Variants in RIN2 observed in about 807,000 individuals in gnomAD.
The protein encoded by RIN2 is RAB5 interacting protein 2.
RIN2 carries 36 observed loss-of-function variants against 78.0 expected under a neutral mutation model. The observed-to-expected ratio is 0.46, with a 90% CI of 0.35 to 0.61. The LOEUF (loss-of-function observed/expected upper bound fraction) is 0.61. Among genes scored for constraint, RIN2 ranks in the 20% least tolerant of loss-of-function variants. RIN2 has a pLI of 0.00. For synonymous variants in RIN2, 466 were observed against 466.8 expected, an observed-to-expected ratio of 1.00 and a Z score of 0.02; for missense variants, 1,087 against 1,159.7, an observed-to-expected ratio of 0.94 and a Z score of 0.91.
Position 19,975,728 on chromosome 20 carries a change from T to C in RIN2, c.1703T>C (p.Leu568Ser). ...TTCATGACCCAGGTCAAGAACTATTTGTCTCAGAGCTCGGAGCTGGACCCC... is the reference window on the plus strand; with the variant it reads ...TTCATGACCCAGGTCAAGAACTATTCGTCTCAGAGCTCGGAGCTGGACCCC... ...RQFMTQVKNY[L>S]SQSSELDPPI... The change falls in exon 9 of 13, where the codon TTG becomes TCG. Residue 568 changes from leucine to serine, a missense_variant. Transcript: ENST00000255006. The surrounding 1 kb of genome is among the most constrained non-coding windows in gnomAD (Gnocchi z 4.9). The C allele has an allele frequency of 6.2e-7, 1 of 1,613,442 alleles. No individual in the cohort carries two copies. Among genetic ancestry groups the C allele is most frequent in the Non-Finnish European group, 8.5e-7 (1 of 1,179,818 alleles).
intron 6 of RIN2, among the ~76,000 whole-genome samples, chr20:19,963,240 C>T (rs1369291946): frequency 1.2e-4 from 18 of 152,028 alleles, no homozygotes; most frequent in Non-Finnish European, 1.6e-4. Context: ...TTCTGTGTGT[C>T]TGTGTGTGTC....
At chr20:19,766,158 G>C (rs897009891) in intron 1 of RIN2, among the ~76,000 whole-genome samples, 2 of 152,124 alleles carry the variant, frequency 1.3e-5, no homozygotes, top group African/African-American at 2.4e-5. Flanking sequence ...CATCCTCTCT[G>C]TATTCCGGGA....
chr20:19,969,767 A>C (rs73128137), intron 7 of RIN2, among the ~76,000 whole-genome samples: 154 of 151,596 alleles, frequency 1.0e-3, no homozygotes, highest in Non-Finnish European at 1.7e-3. Context: ...CCACTGGAAA[A>C]AAACAAACAA....
chr20:19,903,274 C>T (rs1002494027), intron 3 of RIN2, among the ~76,000 whole-genome samples: 5 of 151,970 alleles, frequency 3.3e-5, no homozygotes, highest in African/African-American at 4.8e-5. Flanking sequence ...GAGGGATCAT[C>T]GGTGGAGGAG....
chr20:19,795,542 C>T (rs930198148), intron 1 of RIN2, among the ~76,000 whole-genome samples: 5 of 151,954 alleles, frequency 3.3e-5, no homozygotes, highest in South Asian at 2.1e-4. Context: ...CTATTTTGCC[C>T]GTGAGATAAG....
chr20:19,972,596 T>G (rs926144658), intron 8 of RIN2, among the ~76,000 whole-genome samples: 5 of 152,256 alleles, frequency 3.3e-5, no homozygotes, highest in Non-Finnish European at 7.3e-5. Context: ...CTCGAGGGTC[T>G]GCTTTGTGGC....
At chr20:19,955,911 C>T (rs1452567302) in intron 4 of RIN2, among the ~76,000 whole-genome samples, 1 of 152,122 alleles carries the variant, frequency 6.6e-6, no homozygotes. Flanking sequence ...TAGGAACTCA[C>T]GGTTACCATC....
intron 1 of RIN2, among the ~76,000 whole-genome samples, chr20:19,783,459 T>C (rs1164628424): frequency 7.1e-6 from 1 of 141,156 alleles, no homozygotes; most frequent in Non-Finnish European, 1.5e-5. Flanking sequence ...TCCTGCCCTG[T>C]TTGGATGGGG....
chr20:19,823,316 A>G lies in RIN2; in HGVS notation c.-37+23569A>G, dbSNP rs983513262. On this transcript the variant is annotated intron_variant, in intron 2 of 12. Coordinates refer to ENST00000255006, the MANE Select transcript of RIN2 (RefSeq NM_018993.4). ...AATCTGGGGACTGAATGAAGTTCTC[A>G]TCTTACTCTTTCGTGGCTGTTTGTC... is the stretch of plus-strand genomic sequence containing the variant. 5.0e-6 allele frequency: 3 copies of G among 594,654 alleles called. No individual in the cohort carries two copies. The African/African-American group carries it at 5.6e-5, about 11-fold the overall frequency. The allele number at this position is 594,654 out of a possible 1,614,324, so 36.8% of individuals were successfully genotyped here.
intron 2 of RIN2, among the ~76,000 whole-genome samples, chr20:19,882,486 T>G (rs150879602): frequency 2.0e-5 from 3 of 152,158 alleles, no homozygotes; most frequent in Admixed American, 1.3e-4. Flanking sequence ...ATCACCTACA[T>G]AGACTCTTTT....
chr20:19,983,052 C>T (rs947079111), intron 9 of RIN2, among the ~76,000 whole-genome samples: 11 of 152,208 alleles, frequency 7.2e-5, no homozygotes, highest in African/African-American at 2.4e-4. Flanking sequence ...AAATCCTTGT[C>T]TCAGGATTGG....
At chr20:19,941,837 G>A (rs79774619) in intron 4 of RIN2, among the ~76,000 whole-genome samples, 2 of 152,008 alleles carry the variant, frequency 1.3e-5, no homozygotes, top group African/African-American at 2.4e-5. Context: ...TATTTAAGCC[G>A]GGCAGGGTGA....
At chr20:19,794,727 G>T (rs1466088476) in intron 1 of RIN2, among the ~76,000 whole-genome samples, 2 of 151,900 alleles carry the variant, frequency 1.3e-5, no homozygotes, top group African/African-American at 4.8e-5. Flanking sequence ...TTATTACCTT[G>T]TAGGTTTTAA....
chr20:19,766,922 A>G (rs1248920296), intron 1 of RIN2, among the ~76,000 whole-genome samples: 3 of 151,924 alleles, frequency 2.0e-5, no homozygotes, highest in Non-Finnish European at 4.4e-5. Flanking sequence ...AGAAAAAAAA[A>G]AAAAAGAAAA....
chr20:19,801,608 A>T (rs1026921723), intron 2 of RIN2, among the ~76,000 whole-genome samples: 1 of 152,222 alleles, frequency 6.6e-6, no homozygotes, highest in African/African-American at 2.4e-5. Flanking sequence ...GGCGTGAGCC[A>T]CCGCGCCCGG....
At chr20:19,768,132 G>C (rs759595587) in intron 1 of RIN2, among the ~76,000 whole-genome samples, 1 of 152,048 alleles carries the variant, frequency 6.6e-6, no homozygotes, top group African/African-American at 2.4e-5. Context: ...AACAAACCAG[G>C]TTCTGCCTGG....
chr20:19,847,207 A>C (rs1234530958), intron 2 of RIN2, among the ~76,000 whole-genome samples: 2 of 152,126 alleles, frequency 1.3e-5, no homozygotes, highest in African/African-American at 2.4e-5. Context: ...TTTATCCTTC[A>C]TCTGAAGCAT....
chr20:19,869,036 C>T (rs1490195367), intron 2 of RIN2, among the ~76,000 whole-genome samples: 1 of 140,656 alleles, frequency 7.1e-6, no homozygotes, highest in Admixed American at 7.4e-5. Context: ...GAGCCGAGAT[C>T]ACGCCACTGC....
intron 9 of RIN2, among the ~76,000 whole-genome samples, chr20:19,980,286 A>G (rs2042405966): frequency 6.6e-6 from 1 of 152,206 alleles, no homozygotes; most frequent in South Asian, 2.1e-4. Flanking sequence ...GACCACGACA[A>G]GAAGCACTTG....
Sources: allele counts gnomAD v4.1 joint callset (sites outside exome capture counted in the v4.1 genomes callset), GRCh38; gene constraint gnomAD v4.1.1; non-coding constraint Gnocchi (gnomAD v3.1); transcripts MANE v1.5; gene names NCBI Gene and HGNC (gene_info 2026-07-23, HGNC 2026-07-21).